The following PCLO variants were observed in gnomAD, a reference collection of about 807,000 sequenced individuals.
PCLO encodes the protein piccolo presynaptic cytomatrix protein, also known as protein piccolo.
In PCLO, 82 loss-of-function variants were observed where a neutral mutation model predicts 427.5. The observed-to-expected ratio is 0.19, with a 90% CI of 0.16 to 0.23. The LOEUF is 0.23. Among genes scored for constraint, PCLO ranks in the 10% least tolerant of loss-of-function variants. PCLO has a pLI of 1.00. For missense variants in PCLO, 6,239 were observed against 6,115.9 expected, an observed-to-expected ratio of 1.02 and a Z score of -0.67; for synonymous variants, 2,357 against 2,155.4, an observed-to-expected ratio of 1.09 and a Z score of -2.59.
chr7:83,122,925 C>A (rs968541593), intron 3 of PCLO, among the ~76,000 whole-genome samples: 13 of 151,896 alleles, frequency 8.6e-5, no homozygotes, highest in Non-Finnish European at 1.6e-4. Context: ...TAAACTTAAC[C>A]AAGGAAGTGA....
chr7:83,058,776 A>C (rs187885500), intron 3 of PCLO, among the ~76,000 whole-genome samples: 8 of 152,230 alleles, frequency 5.3e-5, no homozygotes, highest in African/African-American at 1.9e-4. Context: ...TCGACTCCAC[A>C]GCTCACCCTC....
chr7:83,059,381 A>ATATAT lies in PCLO; in HGVS notation c.3300+74868_3300+74869insATATA, dbSNP rs757350399. ...AAATATATATATATATATATATATA[A>ATATAT]AAATGAAAAATAAGGTGAGATCAAC... On this transcript the variant is annotated intron_variant, in intron 3 of 24. Transcript: ENST00000333891. Among the ~76,000 whole-genome samples the ATATAT allele has an allele frequency of 5.2e-3, 498 of 95,912 alleles. 3 individuals are homozygous for ATATAT. Among genetic ancestry groups the ATATAT allele is most frequent in the African/African-American group, 0.011 (272 of 24,092 alleles). 62.9% of individuals were successfully genotyped at this position (95,912 alleles called of 152,430 possible). A position where few individuals can be genotyped will look rare whatever the true frequency, so the allele number is the denominator to read the frequency against.
At chr7:82,989,320 A>C (rs1406634983) in intron 3 of PCLO, among the ~76,000 whole-genome samples, 1 of 152,142 alleles carries the variant, frequency 6.6e-6, no homozygotes, top group Non-Finnish European at 1.5e-5. Flanking sequence ...TTTCTTGAGA[A>C]ATTACTTCTA....
rs769042370 is a variant in PCLO at position 83,134,462 on chromosome 7, T to C, written c.3088A>G (p.Ile1030Val). 1 of 1,613,694 alleles carries C rather than the reference T, an allele frequency of 6.2e-7. No homozygotes were observed. The highest frequency in any genetic ancestry group is 8.5e-7 in the Non-Finnish European group (1 of 1,179,788). Reference sequence around the variant, plus strand: ...GCTGTTAAAGATTTGCTATCCTTAATAGGTGGTGGCTTTTTTTCTGTTTCT... The same window carrying C: ...GCTGTTAAAGATTTGCTATCCTTAACAGGTGGTGGCTTTTTTTCTGTTTCT... ...RTETEKKPPP[I>V]KDSKSLTAEP... Residue 1030 changes from isoleucine (I) to valine (V), a missense_variant, in exon 3 of 25, where the codon ATT (isoleucine) becomes GTT (valine). Coordinates refer to ENST00000333891, the MANE Select transcript of PCLO (RefSeq NM_033026.6).
intron 3 of PCLO, among the ~76,000 whole-genome samples, chr7:83,008,161 A>C (rs527411926): frequency 6.6e-6 from 1 of 151,818 alleles, no homozygotes; most frequent in African/African-American, 2.4e-5. Context: ...TTATTATAGG[A>C]TTCCACTCTC....
rs943097016 is a variant in PCLO, at chr7:83,145,644, C to G, written c.1893+9104G>C. Among the ~76,000 whole-genome samples, 6 of 152,172 alleles carry G rather than the reference C, an allele frequency of 3.9e-5. No individual in the cohort carries two copies. The East Asian group carries it at 1.2e-3, about 29-fold the overall frequency. ...TGGAGTCAATAATGATGGTGCTATC[C>G]CTATCTGCCTATTAGAATGTTATAA... On this transcript the variant is annotated intron_variant, in intron 2 of 24. Coordinates refer to ENST00000333891, the MANE Select transcript of PCLO (RefSeq NM_033026.6).
intron 3 of PCLO, among the ~76,000 whole-genome samples, chr7:82,990,616 A>T (rs879610371): frequency 1.3e-5 from 2 of 152,200 alleles, no homozygotes; most frequent in Non-Finnish European, 2.9e-5. Context: ...GAAATCCGTA[A>T]CTACTACAAA....
intron 3 of PCLO, among the ~76,000 whole-genome samples, chr7:82,988,280 C>T (rs962022316): frequency 8.5e-5 from 13 of 152,076 alleles, no homozygotes; most frequent in Admixed American, 4.6e-4. Flanking sequence ...CCTTTCACCT[C>T]GGCCTCCCAA....
intron 10 of PCLO, chr7:82,868,067 A>C: frequency 8.8e-6 from 4 of 454,624 alleles, no homozygotes; most frequent in Non-Finnish European, 8.8e-6. Context: ...ACCAGCTTTA[A>C]GGAATTTTGA....
chr7:82,975,587 G>A (rs139923059), intron 3 of PCLO, among the ~76,000 whole-genome samples: 236 of 152,280 alleles, frequency 1.5e-3, no homozygotes, highest in African/African-American at 5.4e-3. Context: ...GGAAGAATCA[G>A]TATATCGATT....
chr7:83,154,860 G>C lies in PCLO; in HGVS notation c.1781C>G (p.Thr594Ser), dbSNP rs771516068. ...LPKTICPLCN[T>S]TELLLHVPEK... ...TGGAACATGCAACAGAAGTTCAGTG[G>C]TATTGCAAAGAGGACAGATGGTTTT... The change falls in exon 2 of 25, where the codon ACC becomes AGC. Residue 594 changes from threonine to serine, a missense_variant. Coordinates refer to ENST00000333891, the MANE Select transcript of PCLO (RefSeq NM_033026.6). 8 of 1,614,004 alleles carry C rather than the reference G, an allele frequency of 5.0e-6. No individual in the cohort carries two copies. The highest frequency in any genetic ancestry group is 6.8e-6 in the Non-Finnish European group (8 of 1,179,856).
chr7:83,136,221 CT>C (rs1192537624), intron 2 of PCLO, among the ~76,000 whole-genome samples: 1 of 151,840 alleles, frequency 6.6e-6, no homozygotes, highest in Non-Finnish European at 1.5e-5. Context: ...TATTCTTTGC[CT>C]TTGATTTACT....
chr7:83,038,071 A>ATATATTTATATC lies in PCLO; in HGVS notation c.3301-71585_3301-71584insGATATAAATATA, dbSNP rs1309480779. On this transcript the variant is annotated intron_variant, in intron 3 of 24. Transcript: ENST00000333891. ...TATATCTTTATATATATATTTATATATTTATATATATATCTTTATATATAT... is the reference window on the plus strand; with the variant it reads ...TATATCTTTATATATATATTTATATATATATTTATATCTTTATATATATATCTTTATATATAT... 2.4e-4 allele frequency among the ~76,000 whole-genome samples: 11 copies of ATATATTTATATC among 45,936 alleles called. 1 individual carries two copies. Among genetic ancestry groups the ATATATTTATATC allele is most frequent in the African/African-American group, 1.0e-3 (11 of 10,548 alleles). The allele number at this position is 45,936 out of a possible 152,430, so 30.1% of individuals were successfully genotyped here.
rs751880166 is a variant in PCLO, at chr7:82,951,365, G to T, written c.9223C>A (p.Gln3075Lys). The T allele has an allele frequency of 6.2e-7, 1 of 1,606,426 alleles. No individual in the cohort carries two copies. The highest frequency in any genetic ancestry group is 1.7e-4 in the Middle Eastern group (1 of 6,056). The change falls in exon 6 of 25, where the codon CAG becomes AAG. Residue 3075 changes from glutamine (Q) to lysine (K), a missense_variant. Physicochemically the swap from Gln to Lys is moderately conservative, Grantham distance 53. Around this residue, in one of 5 missense-constraint regions of PCLO, gnomAD observed 4,677 missense variants for 4,468.4 expected, o/e 1.05. Transcript: ENST00000333891. ...CTCAAAACACTCCCCACACAATACT[G>T]GGGTCCTGGTGGTGGTGTCATTCTT... The part of the protein sequence containing the change: ...TARMTPPPGP[Q>K]YCVGSVLRSS...
chr7:82,849,640 T>C (rs1235887752), intron 10 of PCLO, among the ~76,000 whole-genome samples: 2 of 152,182 alleles, frequency 1.3e-5, no homozygotes, highest in Non-Finnish European at 2.9e-5. Flanking sequence ...CTAGTAGTTG[T>C]GAAAATTAAA....
chr7:82,950,048 A>C lies in PCLO; in HGVS notation c.10540T>G (p.Ser3514Ala). The change falls in exon 6 of 25, where the codon TCC becomes GCC. Residue 3514 changes from serine to alanine, a missense_variant. Physicochemically the swap from Ser to Ala is moderately conservative, Grantham distance 99. Transcript: ENST00000333891. ...ADKTKPLSKV[S>A]SIAVQTVAEI... Reference sequence around the variant, plus strand: ...GCTACCGTTTGAACTGCTATGCTGGAGACTTTGGAAAGGGGTTTGGTCTTG... The same window carrying C: ...GCTACCGTTTGAACTGCTATGCTGGCGACTTTGGAAAGGGGTTTGGTCTTG... The C allele has an allele frequency of 6.2e-7, 1 of 1,612,306 alleles. No homozygotes were observed. Among genetic ancestry groups the C allele is most frequent in the Non-Finnish European group, 8.5e-7 (1 of 1,179,594 alleles).
intron 6 of PCLO, among the ~76,000 whole-genome samples, chr7:82,943,685 GAAGA>G (rs1795135825): frequency 1.3e-5 from 2 of 152,032 alleles, no homozygotes; most frequent in South Asian, 4.1e-4. Context: ...TCATTGTGCA[GAAGA>G]AAGAGAAAGG....
chr7:82,912,383 T>C (rs2116247723), intron 7 of PCLO, among the ~76,000 whole-genome samples: 2 of 151,980 alleles, frequency 1.3e-5, no homozygotes, highest in South Asian at 2.1e-4. Context: ...GCTTATGTGA[T>C]ACATAAACAA....
At chr7:82,943,931 G>A (rs1330515268) in intron 6 of PCLO, among the ~76,000 whole-genome samples, 1 of 151,872 alleles carries the variant, frequency 6.6e-6, no homozygotes, top group Non-Finnish European at 1.5e-5. Flanking sequence ...GCCGAGGCGG[G>A]TGGATCACCT....
Sources: gnomAD v4.1 joint callset for allele counts (sites outside exome capture counted in the v4.1 genomes callset) on GRCh38, gnomAD v4.1.1 for gene constraint, gnomAD v4.1.1 regional missense constraint, MANE v1.5 for transcripts, NCBI Gene and HGNC (gene_info 2026-07-23, HGNC 2026-07-21) for gene names.